Variants in ATXN1 observed in about 807,000 individuals in gnomAD.
ATXN1 encodes ataxin 1.
A neutral mutation model predicts 56.4 loss-of-function variants in ATXN1; 8 were observed. The ratio of observed to expected loss-of-function variants is 0.14; its 90% confidence interval spans 0.08 to 0.26. The LOEUF (loss-of-function observed/expected upper bound fraction) is 0.26. Among genes scored for constraint, ATXN1 ranks in the 10% least tolerant of loss-of-function variants. The pLI is 1.00. For synonymous variants in ATXN1, 514 were observed against 494.6 expected (o/e 1.04, Z -0.52); for missense variants, 987 against 1,106.5 (o/e 0.89, Z 1.53).
At chr6:16,535,725 A>G (rs1761584926) in intron 4 of ATXN1, among the ~76,000 whole-genome samples, 1 of 152,220 alleles carries the variant, frequency 6.6e-6, no homozygotes, top group Admixed American at 6.5e-5. Flanking sequence ...CGAGTAGTAC[A>G]GTATGGAAAA....
At chr6:16,507,874 A>G (rs1761009660) in intron 5 of ATXN1, among the ~76,000 whole-genome samples, 1 of 152,234 alleles carries the variant, frequency 6.6e-6, no homozygotes, top group Admixed American at 6.5e-5. Context: ...ATAAATAAAA[A>G]AGCATTTTAA....
At chr6:16,307,648 C>T (rs1475461153) in intron 7 of ATXN1, among the ~76,000 whole-genome samples, 1 of 150,774 alleles carries the variant, frequency 6.6e-6, no homozygotes, top group Admixed American at 6.6e-5. Context: ...GGCGATCCAG[C>T]CTGGGCCACA....
At chr6:16,546,719 T>C (rs1468640445) in intron 4 of ATXN1, among the ~76,000 whole-genome samples, 1 of 152,204 alleles carries the variant, frequency 6.6e-6, no homozygotes, top group East Asian at 1.9e-4. Flanking sequence ...GGTATTTTCA[T>C]GGAGTTTCGT....
chr6:16,467,161 C>T (rs1463672863), intron 6 of ATXN1, among the ~76,000 whole-genome samples: 2 of 152,178 alleles, frequency 1.3e-5, no homozygotes, highest in African/African-American at 4.8e-5. Context: ...AGACCCCCAC[C>T]CACACATCCC....
chr6:16,330,975 G>C (rs932998352), intron 6 of ATXN1, among the ~76,000 whole-genome samples: 3 of 152,066 alleles, frequency 2.0e-5, no homozygotes, highest in Admixed American at 2.0e-4. Context: ...TGTTGAAGGA[G>C]TAATGTCACT....
chr6:16,748,364 A>T (rs1432474496), intron 2 of ATXN1, among the ~76,000 whole-genome samples: 2 of 151,850 alleles, frequency 1.3e-5, no homozygotes, highest in Non-Finnish European at 2.9e-5. Context: ...TTTAAATATT[A>T]CTCCAAGCCA....
At chr6:16,455,990 A>C (rs1759860286) in intron 6 of ATXN1, among the ~76,000 whole-genome samples, 3 of 152,228 alleles carry the variant, frequency 2.0e-5, no homozygotes, top group African/African-American at 7.2e-5. Flanking sequence ...TGGCACTCTG[A>C]TAGGACAGAA....
intron 6 of ATXN1, among the ~76,000 whole-genome samples, chr6:16,454,148 A>AAAAAC (rs1759818817): frequency 7.6e-6 from 1 of 131,722 alleles, no homozygotes; most frequent in African/African-American, 2.6e-5. Flanking sequence ...AAAAAAAAAA[A>AAAAAC]AAAAAACAGA....
At position 16,364,295 on chromosome 6, in the gene ATXN1, A is replaced by T. The variant is rs146492132; in HGVS notation, c.-160-35825T>A. Among the ~76,000 whole-genome samples the T allele has an allele frequency of 3.9e-3, 599 of 152,124 alleles. 6 individuals are homozygous for T. Among genetic ancestry groups the T allele is most frequent in the African/African-American group, 0.014 (564 of 41,496 alleles). On this transcript the variant is annotated intron_variant, in intron 6 of 7. Transcript: ENST00000436367. ...AGGGCACCATTTTAAAAATGGCTTC[A>T]TGCTGAGGTTCTAGATTTTTTTTTT...
chr6:16,355,889 C>CT (rs1761676041), intron 6 of ATXN1, among the ~76,000 whole-genome samples: 1 of 152,184 alleles, frequency 6.6e-6, no homozygotes, highest in African/African-American at 2.4e-5. Context: ...TGATGGGCAA[C>CT]TTGAGCTGCC....
intron 1 of ATXN1, among the ~76,000 whole-genome samples, chr6:16,759,528 C>CTTTTT (rs1264650257): frequency 7.8e-5 from 5 of 64,504 alleles, no homozygotes; most frequent in African/African-American, 2.3e-4. Context: ...CTTCTTCCGA[C>CTTTTT]TGTTTTTTTT....
At chr6:16,669,704 G>T (rs1239699805) in intron 2 of ATXN1, among the ~76,000 whole-genome samples, 1 of 142,104 alleles carries the variant, frequency 7.0e-6, no homozygotes, top group Non-Finnish European at 1.5e-5. Flanking sequence ...TAAGTTCTGG[G>T]ACAAATGTGC....
intron 3 of ATXN1, among the ~76,000 whole-genome samples, chr6:16,594,206 G>GT (rs549034265): frequency 0.011 from 1,607 of 145,692 alleles, 33 homozygotes; most frequent in African/African-American, 0.036. Flanking sequence ...TTTCAGCTTC[G>GT]TTTTTTTTTC....
At chr6:16,505,925 G>A (rs527573013) in intron 5 of ATXN1, among the ~76,000 whole-genome samples, 67 of 152,258 alleles carry the variant, frequency 4.4e-4, no homozygotes, top group African/African-American at 1.5e-3. Context: ...AACGAATGGC[G>A]AATGATGTTA....
At chr6:16,329,448 G>C (rs74744439) in intron 6 of ATXN1, among the ~76,000 whole-genome samples, 2,494 of 152,158 alleles carry the variant, frequency 0.016, 50 homozygotes, top group African/African-American at 0.052. Context: ...GAGGCCGCCA[G>C]AAATAATCCT....
intron 6 of ATXN1, among the ~76,000 whole-genome samples, chr6:16,378,672 C>T (rs1045171627): frequency 6.6e-6 from 1 of 152,054 alleles, no homozygotes; most frequent in African/African-American, 2.4e-5. Flanking sequence ...TATCCTCCCA[C>T]CTCAGCCTCC....
chr6:16,718,113 T>C (rs1239810866), intron 2 of ATXN1, among the ~76,000 whole-genome samples: 1 of 152,240 alleles, frequency 6.6e-6, no homozygotes, highest in Non-Finnish European at 1.5e-5. Context: ...ATGAACAGTT[T>C]ATGTGTTTCT....
Position 16,452,635 on chromosome 6 carries a change from A to G in ATXN1, c.-161+33337T>C, listed in dbSNP as rs150927653. Among the ~76,000 whole-genome samples, 463 of 152,356 alleles carry G rather than the reference A, an allele frequency of 3.0e-3. 1 individual carries two copies. The highest frequency in any genetic ancestry group is 0.011 in the African/African-American group (441 of 41,572). On this transcript the variant is annotated intron_variant, in intron 6 of 7. Transcript: ENST00000436367. ...TTTTTCCCACTCTCACTGGTGTGAG[A>G]TTTTAAAGACATTCCTTCCTGTCAA...
chr6:16,650,108 A>G (rs1437551725), intron 3 of ATXN1, among the ~76,000 whole-genome samples: 1 of 152,198 alleles, frequency 6.6e-6, no homozygotes, highest in Non-Finnish European at 1.5e-5. Flanking sequence ...AGGAATTTCA[A>G]TTAGGCCTCA....
Sources: gnomAD v4.1 joint callset for allele counts (sites outside exome capture counted in the v4.1 genomes callset) on GRCh38, gnomAD v4.1.1 for gene constraint, MANE v1.5 for transcripts, NCBI Gene and HGNC (gene_info 2026-07-23, HGNC 2026-07-21) for gene names.